Variants in APPBP2 observed in about 807,000 individuals in gnomAD.
APPBP2 encodes the protein amyloid protein-binding protein 2.
Under a neutral mutation model 76.0 loss-of-function variants are expected in APPBP2, and 15 were observed. The ratio of observed to expected loss-of-function variants is 0.20; its 90% confidence interval spans 0.13 to 0.30. APPBP2 has a LOEUF of 0.30. Ranked by LOEUF, APPBP2 falls within the 10% of genes least tolerant of loss-of-function variation. The pLI, the probability that APPBP2 is intolerant of heterozygous loss-of-function variation, is 1.00. For missense variants in APPBP2, 401 were observed against 687.2 expected, an observed-to-expected ratio of 0.58 and a Z score of 4.66; for synonymous variants, 222 against 242.2, an observed-to-expected ratio of 0.92 and a Z score of 0.77.
chr17:60,463,589 T>C (rs2143325991), intron 6 of APPBP2, among the ~76,000 whole-genome samples: 1 of 152,366 alleles, frequency 6.6e-6, no homozygotes, highest in Non-Finnish European at 1.5e-5. Flanking sequence ...GCAAGCTGCC[T>C]TGCTGTGAGA....
At chr17:60,513,786 C>T (rs1218916106) in intron 1 of APPBP2, among the ~76,000 whole-genome samples, 1 of 151,406 alleles carries the variant, frequency 6.6e-6, no homozygotes, top group Non-Finnish European at 1.5e-5. Context: ...TCACTTGAAC[C>T]TGGGAAGCAG....
chr17:60,483,559 A>AT (rs900469479), intron 3 of APPBP2, among the ~76,000 whole-genome samples: 16 of 151,740 alleles, frequency 1.1e-4, no homozygotes, highest in African/African-American at 3.1e-4. Context: ...ACACCTGGCT[A>AT]TTTTTTTGTA....
chr17:60,500,605 T>G (rs747950390), intron 1 of APPBP2, 118 bp from the exon 2 acceptor site: 1 of 719,572 alleles, frequency 1.4e-6, no homozygotes, highest in Admixed American at 2.8e-5. Context: ...TTAAGAGAAA[T>G]GTAACACTAA....
At chr17:60,448,652 C>T (rs983807299) in intron 12 of APPBP2, among the ~76,000 whole-genome samples, 30 of 152,234 alleles carry the variant, frequency 2.0e-4, no homozygotes, top group African/African-American at 7.0e-4. Flanking sequence ...CTCTCTGTAA[C>T]GGTTACGGAG....
At chr17:60,519,778 ATTTTTT>A (rs748167583) in intron 1 of APPBP2, among the ~76,000 whole-genome samples, 37 of 117,842 alleles carry the variant, frequency 3.1e-4, no homozygotes, top group African/African-American at 1.2e-3. Flanking sequence ...GCCAAATTTA[ATTTTTT>A]TTTTTTTTTT....
intron 1 of APPBP2, among the ~76,000 whole-genome samples, chr17:60,506,541 G>A (rs1256490531): frequency 1.3e-5 from 2 of 152,098 alleles, no homozygotes; most frequent in Non-Finnish European, 2.9e-5. Context: ...TCTATGTCCT[G>A]TTAAACTTTC....
chr17:60,512,468 A>G (rs2090922154), intron 1 of APPBP2, among the ~76,000 whole-genome samples: 1 of 152,118 alleles, frequency 6.6e-6, no homozygotes, highest in Admixed American at 6.6e-5. Context: ...TTACTGAATT[A>G]TCTTACTGCT....
At chr17:60,514,180 C>T (rs1164836440) in intron 1 of APPBP2, among the ~76,000 whole-genome samples, 2 of 151,990 alleles carry the variant, frequency 1.3e-5, no homozygotes, top group Non-Finnish European at 2.9e-5. Context: ...GCAGTACACA[C>T]CTGTAAGTCC....
chr17:60,515,007 T>C (rs2090951207), intron 1 of APPBP2, among the ~76,000 whole-genome samples: 1 of 151,494 alleles, frequency 6.6e-6, no homozygotes, highest in Non-Finnish European at 1.5e-5. Flanking sequence ...TTTCACTATG[T>C]TGTCCAGGCT....
chr17:60,447,750 T>C lies in APPBP2; in HGVS notation c.1589A>G (p.Tyr530Cys). 6.2e-7 allele frequency: 1 copy of C among 1,614,068 alleles called. No individual in the cohort carries two copies. Residue 530 changes from tyrosine (Y) to cysteine (C), a missense_variant, in exon 13 of 13, where the codon TAC becomes TGC. This residue lies in a region of APPBP2 where 56 missense variants were observed against 76.5 expected (regional missense o/e 0.73). Coordinates refer to ENST00000083182, the MANE Select transcript of APPBP2 (RefSeq NM_006380.5). ...ATTGTGATATTCAAACACTTTCTCG[T>C]AATTTCCAATGGAGTTGTAAAGTTT... Reference protein sequence around the residue: ...LIKLYNSIGNYEKVFEYHNVL... With the variant: ...LIKLYNSIGNCEKVFEYHNVL...
intron 3 of APPBP2, among the ~76,000 whole-genome samples, chr17:60,490,990 T>TG (rs1403708045): frequency 1.3e-5 from 2 of 152,132 alleles, no homozygotes; most frequent in African/African-American, 4.8e-5. Context: ...AGTAAACTGG[T>TG]GCCAGCAGAG....
intron 1 of APPBP2, among the ~76,000 whole-genome samples, chr17:60,509,064 T>A (rs2090890969): frequency 6.6e-6 from 1 of 152,082 alleles, no homozygotes; most frequent in Non-Finnish European, 1.5e-5. Flanking sequence ...TGCATCCTGA[T>A]CCAAACAAGC....
intron 3 of APPBP2, among the ~76,000 whole-genome samples, chr17:60,492,029 A>AT (rs2090734262): frequency 6.6e-6 from 1 of 152,168 alleles, no homozygotes; most frequent in South Asian, 2.1e-4. Context: ...CTGTGTGCAG[A>AT]CTAGGGACTT....
chr17:60,513,517 C>T (rs1205124157), intron 1 of APPBP2: 16 of 526,660 alleles, frequency 3.0e-5, no homozygotes, highest in Non-Finnish European at 5.6e-5. Context: ...AAGCTTCTCA[C>T]GGAGAAATAT....
At chr17:60,519,672 A>C (rs1225007593) in intron 1 of APPBP2, among the ~76,000 whole-genome samples, 1 of 152,146 alleles carries the variant, frequency 6.6e-6, no homozygotes, top group African/African-American at 2.4e-5. Flanking sequence ...CTTAAAAAAG[A>C]AAGAAAAACA....
intron 2 of APPBP2, among the ~76,000 whole-genome samples, chr17:60,497,151 A>G (rs578032975): frequency 1.3e-5 from 2 of 152,332 alleles, no homozygotes; most frequent in African/African-American, 4.8e-5. Flanking sequence ...CTATATATAC[A>G]CAATGGTGTA....
Position 60,525,823 on chromosome 17 carries a change from C to T in APPBP2, c.109G>A (p.Glu37Lys). ...RSRRDIRSLP[E>K]NIQFDVYYKL... is the part of the protein sequence containing the mutation. ...TAGTAAACATCAAACTGGATGTTCT[C>T]GGGCAAGGAGCGGATGTCTCGGCGG... Residue 37 changes from glutamate to lysine, a missense_variant, in exon 1 of 13, where the codon GAG (glutamate) becomes AAG (lysine). Around this residue, in one of 5 missense-constraint regions of APPBP2, gnomAD observed 149 missense variants for 198.4 expected, o/e 0.75. Coordinates refer to ENST00000083182, the MANE Select transcript of APPBP2 (RefSeq NM_006380.5). The T allele has an allele frequency of 6.2e-7, 1 of 1,613,010 alleles. No homozygotes were observed. Among genetic ancestry groups the T allele is most frequent in the Non-Finnish European group, 8.5e-7 (1 of 1,179,790 alleles).
chr17:60,498,992 T>C (rs769723241), intron 2 of APPBP2, among the ~76,000 whole-genome samples: 12 of 152,086 alleles, frequency 7.9e-5, no homozygotes, highest in African/African-American at 1.4e-4. Context: ...CATAAGAAAT[T>C]AGTCAAAAAT....
chr17:60,494,370 C>A lies in APPBP2; in HGVS notation c.379+96G>T, dbSNP rs529680685. On this transcript the variant is annotated intron_variant, in intron 3 of 12. Coordinates refer to ENST00000083182, the MANE Select transcript of APPBP2 (RefSeq NM_006380.5). ...TGATGTTCTTCTCATAACCTTCTTACGTAGACTTTGGGAAAGCCCTGGAAG... is the reference window on the plus strand; with the variant it reads ...TGATGTTCTTCTCATAACCTTCTTAAGTAGACTTTGGGAAAGCCCTGGAAG... 39 of 1,386,630 alleles carry A rather than the reference C, an allele frequency of 2.8e-5. No homozygotes were observed. In the African/African-American group the frequency reaches 5.6e-4, roughly 20 times the overall value. The allele number at this position is 1,386,630 out of a possible 1,614,324, so 85.9% of individuals were successfully genotyped here.
Sources: allele counts gnomAD v4.1 joint callset (sites outside exome capture counted in the v4.1 genomes callset), GRCh38; gene constraint gnomAD v4.1.1; regional missense constraint gnomAD v4.1.1; transcripts MANE v1.5; gene names NCBI Gene and HGNC (gene_info 2026-07-23, HGNC 2026-07-21).